BCAS3: variants seen among roughly 807,000 people sequenced by gnomAD.
The protein encoded by BCAS3 is BCAS4/BCAS3 fusion.
In BCAS3, 53 loss-of-function variants were observed where a neutral mutation model predicts 116.1. The ratio of observed to expected loss-of-function variants is 0.46; its 90% CI spans 0.37 to 0.57. BCAS3 has a LOEUF of 0.57. Ranked by LOEUF, BCAS3 falls within the 20% of genes least tolerant of loss-of-function variation. The probability of loss-of-function intolerance (pLI) is 0.00; values close to 1 mark genes in which losing one functional copy is unlikely to be tolerated. For synonymous variants in BCAS3, 391 were observed against 408.2 expected (o/e 0.96, Z 0.51); for missense variants, 917 against 1,165.4 (o/e 0.79, Z 3.10).
chr17:60,987,838 C>T (rs908758705), intron 14 of BCAS3, among the ~76,000 whole-genome samples: 4 of 152,062 alleles, frequency 2.6e-5, no homozygotes, highest in African/African-American at 9.7e-5. Context: ...TCTGATTGCT[C>T]TGGCTAGGAC....
intron 19 of BCAS3, chr17:61,070,379 A>ATATATATATAT (rs1568282323): frequency 1.4e-5 from 2 of 144,420 alleles, no homozygotes; most frequent in Non-Finnish European, 2.6e-5. Context: ...ATATATATAT[A>ATATATATATAT]TATATATATA....
At chr17:60,730,533 T>C (rs949716350) in intron 5 of BCAS3, among the ~76,000 whole-genome samples, 15 of 152,212 alleles carry the variant, frequency 9.9e-5, no homozygotes, top group African/African-American at 3.4e-4. Flanking sequence ...CACTCTGATA[T>C]TAACTGAATC....
In BCAS3 at chr17:61,388,824, T is replaced by G; in HGVS notation, c.2594-3153T>G. On this transcript the variant is annotated intron_variant, in intron 23 of 23. Transcript: ENST00000407086. This position sits in a 1 kb window ranked among gnomAD's most constrained non-coding sequence, Gnocchi z 6.5. ...TCCACTTCCCACACACACCCCTGCCTGCAGGGGGAGGAGCAGAAGGGGTCT... is the reference window on the plus strand; with the variant it reads ...TCCACTTCCCACACACACCCCTGCCGGCAGGGGGAGGAGCAGAAGGGGTCT... 8.9e-6 allele frequency: 9 copies of G among 1,014,152 alleles called. No individual in the cohort carries two copies. Among genetic ancestry groups the G allele is most frequent in the Non-Finnish European group, 1.3e-5 (9 of 699,182 alleles). The allele number at this position is 1,014,152 out of a possible 1,614,324, so 62.8% of individuals were successfully genotyped here. A position where few individuals can be genotyped will look rare whatever the true frequency, so the allele number is the denominator to read the frequency against.
At chr17:61,335,444 T>C (rs2056644459) in intron 22 of BCAS3, among the ~76,000 whole-genome samples, 1 of 152,222 alleles carries the variant, frequency 6.6e-6, no homozygotes, top group East Asian at 1.9e-4. Flanking sequence ...CTCTCAGCAA[T>C]GACGCCAAGA....
intron 5 of BCAS3, among the ~76,000 whole-genome samples, chr17:60,740,720 A>C (rs2144223728): frequency 6.6e-6 from 1 of 151,974 alleles, no homozygotes; most frequent in Admixed American, 6.6e-5. Context: ...AGGTAAGAGG[A>C]GATTGGATTT....
At chr17:61,157,389 A>T (rs1166598841) in intron 22 of BCAS3, 1 of 152,158 alleles carries the variant, frequency 6.6e-6, no homozygotes. Flanking sequence ...TGGGCTCTAC[A>T]TCAAACAGTG....
At chr17:61,370,841 C>T (rs1462356596) in intron 23 of BCAS3, among the ~76,000 whole-genome samples, 2 of 152,244 alleles carry the variant, frequency 1.3e-5, no homozygotes, top group South Asian at 2.1e-4. Flanking sequence ...CACCCTGGTA[C>T]ACCCGTGCCC....
intron 22 of BCAS3, among the ~76,000 whole-genome samples, chr17:61,142,643 T>C (rs948503871): frequency 2.0e-5 from 3 of 152,126 alleles, no homozygotes; most frequent in Non-Finnish European, 2.9e-5. Context: ...TCATATAGAA[T>C]GATGTGCTTG....
rs889261986 is a variant in BCAS3 at position 61,029,262 on chromosome 17, C to T, written c.1638-5404C>T. Reference sequence around the variant, plus strand: ...TCACAATTTCTGCTAGTTCTTTATTCTCCATTAAACAGGTTTAGTCCTTTA... The same window carrying T: ...TCACAATTTCTGCTAGTTCTTTATTTTCCATTAAACAGGTTTAGTCCTTTA... On this transcript the variant is annotated intron_variant, in intron 16 of 23. Coordinates refer to ENST00000407086, the MANE Select transcript of BCAS3 (RefSeq NM_017679.5). The surrounding 1 kb of genome is among the most constrained non-coding windows in gnomAD (Gnocchi z 5.2). Among the ~76,000 whole-genome samples the T allele has an allele frequency of 2.0e-5, 3 of 151,846 alleles. No individual in the cohort carries two copies. The highest frequency in any genetic ancestry group is 7.2e-5 in the African/African-American group (3 of 41,388).
intron 13 of BCAS3, among the ~76,000 whole-genome samples, chr17:60,932,588 A>G (rs1321670837): frequency 6.6e-6 from 1 of 151,778 alleles, no homozygotes; most frequent in Non-Finnish European, 1.5e-5. Flanking sequence ...AAAAAATACA[A>G]AAAATTAGCC....
At chr17:61,350,681 G>A (rs1041877162) in intron 22 of BCAS3, among the ~76,000 whole-genome samples, 3 of 150,882 alleles carry the variant, frequency 2.0e-5, no homozygotes, top group Non-Finnish European at 4.4e-5. Flanking sequence ...TACCATGGTG[G>A]CAGTGTAGTG....
At chr17:60,858,781 T>G (rs2041659600) in intron 7 of BCAS3, among the ~76,000 whole-genome samples, 1 of 152,180 alleles carries the variant, frequency 6.6e-6, no homozygotes. Flanking sequence ...ATTTTAGTCA[T>G]TCTATTGGGT....
At chr17:61,064,596 G>C (rs2070416821) in intron 19 of BCAS3, among the ~76,000 whole-genome samples, 1 of 152,148 alleles carries the variant, frequency 6.6e-6, no homozygotes. Context: ...GTACAGAAAA[G>C]GAGATGGGGA....
Position 61,333,294 on chromosome 17 carries a change from C to T in BCAS3, c.2426-35033C>T, listed in dbSNP as rs544863660. ...GTGGTTGTCGGTCTTGGAAAAGCTC[C>T]ATCTTCAGAGGGGTTTGTGCCCAGC... On this transcript the variant is annotated intron_variant, in intron 22 of 23. Transcript: ENST00000407086. This position sits in a 1 kb window ranked among gnomAD's most constrained non-coding sequence, Gnocchi z 4.8. Among the ~76,000 whole-genome samples the T allele has an allele frequency of 6.6e-6, 1 of 152,316 alleles. No individual in the cohort carries two copies. Among genetic ancestry groups the T allele is most frequent in the East Asian group, 1.9e-4 (1 of 5,182 alleles).
chr17:61,289,407 T>C (rs543734867), intron 22 of BCAS3, among the ~76,000 whole-genome samples: 1 of 152,226 alleles, frequency 6.6e-6, no homozygotes, highest in Admixed American at 6.5e-5. Context: ...CCACGTACAT[T>C]ACTGCCATGT....
chr17:61,357,501 G>A (rs2058219289), intron 22 of BCAS3, among the ~76,000 whole-genome samples: 1 of 148,808 alleles, frequency 6.7e-6, no homozygotes, highest in South Asian at 2.1e-4. Context: ...CTGGAGTGCA[G>A]TGGCGCGATC....
chr17:60,684,212 T>G (rs563218952), intron 3 of BCAS3, among the ~76,000 whole-genome samples, 176 bp downstream of exon 3: 2 of 152,336 alleles, frequency 1.3e-5, no homozygotes, highest in African/African-American at 4.8e-5. Context: ...AGTGTTGTGA[T>G]GACAGTGGCA....
At chr17:60,938,715 T>TAGAC (rs2060070522) in intron 13 of BCAS3, among the ~76,000 whole-genome samples, 1 of 134,368 alleles carries the variant, frequency 7.4e-6, no homozygotes, top group South Asian at 2.3e-4. Flanking sequence ...TGATAGAAGA[T>TAGAC]AGATAGATAG....
chr17:60,680,639 C>CTT (rs768865456), intron 2 of BCAS3, among the ~76,000 whole-genome samples: 2 of 142,780 alleles, frequency 1.4e-5, no homozygotes, highest in Non-Finnish European at 1.5e-5. Flanking sequence ...GATATGTATA[C>CTT]TTTTTTTTTT....
Sources: gnomAD v4.1 joint callset for allele counts (sites outside exome capture counted in the v4.1 genomes callset) on GRCh38, gnomAD v4.1.1 for gene constraint, Gnocchi (gnomAD v3.1) non-coding constraint, MANE v1.5 for transcripts, NCBI Gene and HGNC (gene_info 2026-07-23, HGNC 2026-07-21) for gene names.